SSH2: variants seen among roughly 807,000 people sequenced by gnomAD.
SSH2 encodes the protein slingshot protein phosphatase 2.
In SSH2, 37 loss-of-function variants were observed where a neutral mutation model predicts 135.2. The observed-to-expected ratio is 0.27, with a 90% CI of 0.21 to 0.36. SSH2 has a LOEUF of 0.36. SSH2 is among the 10% of genes least tolerant of loss of function. The probability of loss-of-function intolerance (pLI) is 1.00; values close to 1 mark genes in which losing one functional copy is unlikely to be tolerated. For synonymous variants in SSH2, 628 were observed against 646.2 expected, an observed-to-expected ratio of 0.97 and a Z score of 0.43; for missense variants, 1,408 against 1,765.3, an observed-to-expected ratio of 0.80 and a Z score of 3.63.
rs558601003 is a variant in SSH2, at chr17:29,746,646, TAAGAGA to T, written c.189-43590_189-43585del. Among the ~76,000 whole-genome samples the T allele has an allele frequency of 8.6e-5, 13 of 151,342 alleles. No homozygotes were observed. The South Asian group carries it at 2.7e-3, about 32-fold the overall frequency. The stretch of plus-strand genomic sequence containing the variant: ...TCATGAGAACTGTGTATATTAACAT[TAAGAGA>T]AAGAGTAACTTAAAAGGGACGTGGG... On this transcript the variant is annotated intron_variant, in intron 3 of 15. Coordinates refer to ENST00000540801, the MANE Select transcript of SSH2 (RefSeq NM_001282129.2).
chr17:29,645,258 G>T (rs2036325505), intron 14 of SSH2: 1 of 152,162 alleles, frequency 6.6e-6, no homozygotes, highest in African/African-American at 2.4e-5. Context: ...ACTTCTCAGG[G>T]TTGCAGCAAG....
At chr17:29,774,610 G>T (rs1394635388) in intron 3 of SSH2, among the ~76,000 whole-genome samples, 1 of 152,174 alleles carries the variant, frequency 6.6e-6, no homozygotes, top group African/African-American at 2.4e-5. Flanking sequence ...AGGAAAGTGA[G>T]ATTCTAATTT....
intron 3 of SSH2, among the ~76,000 whole-genome samples, chr17:29,745,164 C>CTT (rs201394327): frequency 6.2e-5 from 9 of 144,620 alleles, no homozygotes; most frequent in South Asian, 2.2e-4. Context: ...TTTCGTTTTT[C>CTT]TTTTTTTTTT....
At chr17:29,761,385 G>A (rs1034867128) in intron 3 of SSH2, 246 of 1,065,768 alleles carry the variant, frequency 2.3e-4, no homozygotes, top group Non-Finnish European at 2.7e-4. Flanking sequence ...GCCGGGTCGC[G>A]CGGAGGCAGC....
chr17:29,703,414 T>C (rs766818019), intron 3 of SSH2, among the ~76,000 whole-genome samples: 24 of 151,346 alleles, frequency 1.6e-4, no homozygotes, highest in Non-Finnish European at 1.3e-4. Context: ...CACACCCAGC[T>C]AATTTTTGAA....
At chr17:29,850,092 C>G (rs2065528226) in intron 1 of SSH2, among the ~76,000 whole-genome samples, 1 of 149,676 alleles carries the variant, frequency 6.7e-6, no homozygotes. Context: ...CAACAGGCAC[C>G]AGAAAACAAT....
intron 4 of SSH2, among the ~76,000 whole-genome samples, chr17:29,697,398 T>G (rs748179444): frequency 5.3e-5 from 8 of 152,212 alleles, no homozygotes; most frequent in Non-Finnish European, 1.0e-4. Flanking sequence ...AATACTGTTA[T>G]GTACAAGAAG....
chr17:29,698,219 C>T (rs532095761), intron 4 of SSH2, among the ~76,000 whole-genome samples: 1 of 152,242 alleles, frequency 6.6e-6, no homozygotes, highest in Admixed American at 6.5e-5. Context: ...TGCTAATGGA[C>T]ATCGGGTTTA....
intron 1 of SSH2, among the ~76,000 whole-genome samples, chr17:29,862,557 G>A (rs2065782734): frequency 6.6e-6 from 1 of 152,162 alleles, no homozygotes; most frequent in Non-Finnish European, 1.5e-5. Context: ...TACTGGAAGA[G>A]CCGTTACATG....
At chr17:29,658,226 A>G (rs1157394964) in intron 11 of SSH2, among the ~76,000 whole-genome samples, 1 of 151,652 alleles carries the variant, frequency 6.6e-6, no homozygotes, top group East Asian at 2.0e-4. Context: ...CTGGTCTCGA[A>G]TTCATGACCT....
chr17:29,681,377 C>T (rs1252054756), intron 6 of SSH2, among the ~76,000 whole-genome samples: 1 of 140,102 alleles, frequency 7.1e-6, no homozygotes, highest in African/African-American at 2.7e-5. Flanking sequence ...CTTTTTCACG[C>T]AACAGGAAGG....
intron 5 of SSH2, among the ~76,000 whole-genome samples, chr17:29,686,947 T>C (rs569401313): frequency 2.9e-4 from 44 of 152,336 alleles, no homozygotes; most frequent in African/African-American, 3.1e-4. Context: ...AGTGGTGGGA[T>C]TACAGGCGTG....
intron 1 of SSH2, among the ~76,000 whole-genome samples, chr17:29,915,066 G>T (rs913368334): frequency 6.6e-6 from 1 of 152,132 alleles, no homozygotes; most frequent in African/African-American, 2.4e-5. Context: ...AGTTTGTATA[G>T]ACAGGTCAAG....
intron 1 of SSH2, among the ~76,000 whole-genome samples, chr17:29,881,934 AAAACAAAC>A: frequency 6.6e-6 from 1 of 152,332 alleles, no homozygotes; most frequent in African/African-American, 2.4e-5. Context: ...TTCAAGGAGA[AAAACAAAC>A]AAACAAACAA....
In SSH2 at chr17:29,770,161, G is replaced by A. The variant is rs187529855; in HGVS notation, c.188+23733C>T. On this transcript the variant is annotated intron_variant, in intron 3 of 15. Transcript: ENST00000540801. ...ATTACCCAGGCTGGAGTACAGTGGT[G>A]CGATCTCTGCTTACTGCAACCTCTG... 3.5e-3 allele frequency among the ~76,000 whole-genome samples: 503 copies of A among 142,896 alleles called. 2 individuals carry two copies. Among genetic ancestry groups the A allele is most frequent in the African/African-American group, 0.013 (491 of 38,414 alleles). The allele number at this position is 142,896 out of a possible 152,430, so 93.7% of individuals were successfully genotyped here.
intron 3 of SSH2, among the ~76,000 whole-genome samples, chr17:29,712,907 T>G (rs545048544): frequency 8.5e-5 from 13 of 152,346 alleles, no homozygotes; most frequent in Non-Finnish European, 1.5e-5. Flanking sequence ...CATAGCTAGT[T>G]AGCAGTAGGG....
chr17:29,651,479 G>C (rs2036575987), intron 12 of SSH2, among the ~76,000 whole-genome samples: 1 of 152,214 alleles, frequency 6.6e-6, no homozygotes, highest in Non-Finnish European at 1.5e-5. Flanking sequence ...GAGAGTTTCT[G>C]TATCAAAACA....
At chr17:29,820,047 A>G (rs1463483394) in intron 2 of SSH2, among the ~76,000 whole-genome samples, 1 of 152,098 alleles carries the variant, frequency 6.6e-6, no homozygotes, top group East Asian at 1.9e-4. Context: ...TAAATTTAAA[A>G]AGGTGTACTC....
intron 6 of SSH2, 26 bp from the exon 7 acceptor site, chr17:29,677,767 G>C: frequency 6.3e-7 from 1 of 1,586,856 alleles, no homozygotes; most frequent in Non-Finnish European, 8.7e-7. Context: ...TAGTCCAATA[G>C]TTACTCCCCA....
Sources: allele counts gnomAD v4.1 joint callset (sites outside exome capture counted in the v4.1 genomes callset), GRCh38; gene constraint gnomAD v4.1.1; transcripts MANE v1.5; gene names NCBI Gene and HGNC (gene_info 2026-07-23, HGNC 2026-07-21).